Variants in MAGI2 observed in about 807,000 individuals in gnomAD.
MAGI2 encodes membrane-associated guanylate kinase, WW and PDZ domain-containing protein 2.
Under a neutral mutation model 133.3 loss-of-function variants are expected in MAGI2, and 35 were observed. That is an observed-to-expected ratio of 0.26 (90% CI 0.20 to 0.35). The LOEUF (loss-of-function observed/expected upper bound fraction) is 0.35, where lower values mean the gene tolerates loss of function less well. MAGI2 is among the 10% of genes least tolerant of loss of function. The pLI, the probability that MAGI2 is intolerant of heterozygous loss-of-function variation, is 1.00. For synonymous variants in MAGI2, 729 were observed against 710.6 expected (o/e 1.03, Z -0.41); for missense variants, 1,636 against 1,863.4 (o/e 0.88, Z 2.25).
At chr7:78,273,622 C>G (rs1203352645) in intron 9 of MAGI2, among the ~76,000 whole-genome samples, 2 of 152,114 alleles carry the variant, frequency 1.3e-5, no homozygotes, top group Non-Finnish European at 2.9e-5. Flanking sequence ...TTCTTGGAGG[C>G]TTTGTTCATT....
chr7:79,030,585 G>T (rs1271490745), intron 1 of MAGI2, among the ~76,000 whole-genome samples: 1 of 152,158 alleles, frequency 6.6e-6, no homozygotes, highest in Non-Finnish European at 1.5e-5. Flanking sequence ...CATGCTAAAT[G>T]CATGAACATA....
chr7:78,165,552 G>T (rs1005819905), intron 15 of MAGI2, among the ~76,000 whole-genome samples: 1 of 152,140 alleles, frequency 6.6e-6, no homozygotes, highest in Non-Finnish European at 1.5e-5. Flanking sequence ...AGGCGGAAGC[G>T]TGTCATCCCT....
At chr7:79,343,502 A>G (rs888401600) in intron 1 of MAGI2, 1 of 151,544 alleles carries the variant, frequency 6.6e-6, no homozygotes, top group Non-Finnish European at 1.5e-5. Context: ...GAAGACATTT[A>G]TATTTATTTT....
At chr7:78,131,031 C>T (rs1484875027) in intron 18 of MAGI2, among the ~76,000 whole-genome samples, 1 of 152,172 alleles carries the variant, frequency 6.6e-6, no homozygotes, top group East Asian at 1.9e-4. Context: ...AAATCTGACT[C>T]TGGAAAGGAG....
chr7:78,075,176 G>C (rs1256565076), intron 21 of MAGI2, among the ~76,000 whole-genome samples: 1 of 152,142 alleles, frequency 6.6e-6, no homozygotes, highest in African/African-American at 2.4e-5. Context: ...TGGGCACTGA[G>C]TCTCCAGGGA....
intron 2 of MAGI2, among the ~76,000 whole-genome samples, chr7:78,922,512 G>T (rs1263608199): frequency 6.6e-6 from 1 of 151,750 alleles, no homozygotes; most frequent in Non-Finnish European, 1.5e-5. Context: ...TCCCTACAAA[G>T]GACATGAACT....
At chr7:79,160,829 C>A (rs187548055) in intron 1 of MAGI2, among the ~76,000 whole-genome samples, 4 of 152,148 alleles carry the variant, frequency 2.6e-5, no homozygotes, top group Non-Finnish European at 5.9e-5. Context: ...ATCCTCCCAT[C>A]AAATATGCCT....
intron 21 of MAGI2, among the ~76,000 whole-genome samples, chr7:78,033,264 G>A (rs1333694125): frequency 6.6e-6 from 1 of 152,012 alleles, no homozygotes; most frequent in Non-Finnish European, 1.5e-5. Flanking sequence ...TTTTGTATTT[G>A]TTCACTAGAA....
chr7:78,292,187 T>C (rs1010828397), intron 9 of MAGI2, among the ~76,000 whole-genome samples: 24 of 152,146 alleles, frequency 1.6e-4, no homozygotes, highest in Admixed American at 9.2e-4. Flanking sequence ...GAAAACCCCA[T>C]TGTCTCAGCC....
At chr7:79,182,884 T>C (rs1203928669) in intron 1 of MAGI2, among the ~76,000 whole-genome samples, 10 of 151,824 alleles carry the variant, frequency 6.6e-5, no homozygotes, top group Non-Finnish European at 1.0e-4. Flanking sequence ...ATGAATGAAA[T>C]CATGTCATTT....
intron 2 of MAGI2, among the ~76,000 whole-genome samples, chr7:78,642,554 T>G (rs1333541076): frequency 6.6e-6 from 1 of 152,184 alleles, no homozygotes; most frequent in Non-Finnish European, 1.5e-5. Context: ...TTTGTCCAAA[T>G]ATATATGAAA....
At position 78,048,839 on chromosome 7, in the gene MAGI2, C is replaced by T. The variant is rs114672996; in HGVS notation, c.3707-28863G>A. 4.6e-3 allele frequency among the ~76,000 whole-genome samples: 700 copies of T among 152,220 alleles called. 7 individuals are homozygous for T. The highest frequency in any genetic ancestry group is 0.016 in the African/African-American group (653 of 41,540). Reference sequence around the variant, plus strand: ...AGAAATGACTTCTGGCTGTGTGCGGCGGCTCATGCCTGTAATCCCAGCACT... The same window carrying T: ...AGAAATGACTTCTGGCTGTGTGCGGTGGCTCATGCCTGTAATCCCAGCACT... On this transcript the variant is annotated intron_variant, in intron 21 of 21. Coordinates refer to ENST00000354212, the MANE Select transcript of MAGI2 (RefSeq NM_012301.4).
chr7:79,222,533 T>A (rs1482251923), intron 1 of MAGI2, among the ~76,000 whole-genome samples: 1 of 152,048 alleles, frequency 6.6e-6, no homozygotes, highest in Non-Finnish European at 1.5e-5. Context: ...CGACTGACTG[T>A]TATAGAGATT....
intron 1 of MAGI2, among the ~76,000 whole-genome samples, chr7:79,033,949 T>C (rs557803329): frequency 2.4e-4 from 35 of 148,918 alleles, no homozygotes; most frequent in African/African-American, 8.2e-4. Flanking sequence ...GGAACTTGTA[T>C]TTTGTATTTA....
At chr7:79,064,690 T>C (rs1814126934) in intron 1 of MAGI2, among the ~76,000 whole-genome samples, 1 of 152,114 alleles carries the variant, frequency 6.6e-6, no homozygotes, top group Non-Finnish European at 1.5e-5. Flanking sequence ...CAATCCATTA[T>C]TCCTTCTCCC....
intron 1 of MAGI2, chr7:79,353,952 G>C (rs765535333): frequency 6.4e-6 from 1 of 155,144 alleles, no homozygotes; most frequent in Admixed American, 6.5e-5. Flanking sequence ...GGAGGGTCTG[G>C]CACTGGGCAG....
At chr7:78,969,322 G>A (rs113834069) in intron 2 of MAGI2, among the ~76,000 whole-genome samples, 14,671 of 151,958 alleles carry the variant, frequency 0.097, 906 homozygotes, top group African/African-American at 0.17. Context: ...GTACTAAATC[G>A]ATAGCGTTCC....
chr7:78,076,036 A>T (rs1815252151), intron 21 of MAGI2, among the ~76,000 whole-genome samples: 1 of 152,184 alleles, frequency 6.6e-6, no homozygotes, highest in South Asian at 2.1e-4. Flanking sequence ...TCAATTTAAT[A>T]TCAAAAGTAG....
intron 2 of MAGI2, among the ~76,000 whole-genome samples, chr7:78,803,559 C>G (rs1788262546): frequency 6.6e-6 from 1 of 151,912 alleles, no homozygotes; most frequent in South Asian, 2.1e-4. Context: ...TCATTCTGAT[C>G]CCTGCTCCTT....
Sources: gnomAD v4.1 joint callset for allele counts (sites outside exome capture counted in the v4.1 genomes callset) on GRCh38, gnomAD v4.1.1 for gene constraint, MANE v1.5 for transcripts, NCBI Gene and HGNC (gene_info 2026-07-23, HGNC 2026-07-21) for gene names.